The following EDAR variants were observed in gnomAD, a reference collection of about 807,000 sequenced individuals.
The protein encoded by EDAR is ectodysplasin A receptor, also known as tumor necrosis factor receptor superfamily member EDAR.
Under a neutral mutation model 51.3 loss-of-function variants are expected in EDAR, and 38 were observed. The ratio of observed to expected loss-of-function variants is 0.74; its 90% CI spans 0.57 to 0.97. The LOEUF (loss-of-function observed/expected upper bound fraction) is 0.97. EDAR is among the 50% of genes least tolerant of loss of function. EDAR has a pLI of 0.00. For missense variants in EDAR, 528 were observed against 595.0 expected (o/e 0.89, Z 1.17); for synonymous variants, 227 against 242.1 (o/e 0.94, Z 0.58).
chr2:108,930,863 C>A, intron 2 of EDAR, 101 bp downstream of exon 2: 1 of 1,300,766 alleles, frequency 7.7e-7, no homozygotes. Context: ...GGAGGAGGGA[C>A]TATGATCAGC....
At chr2:108,938,656 T>G (rs909462650) in intron 1 of EDAR, among the ~76,000 whole-genome samples, 15 of 151,388 alleles carry the variant, frequency 9.9e-5, no homozygotes, top group Non-Finnish European at 1.3e-4. Context: ...GGAGAAGTTT[T>G]GAAAAAAAAA....
chr2:108,913,537 G>A (rs1696969191), intron 5 of EDAR, among the ~76,000 whole-genome samples: 1 of 152,160 alleles, frequency 6.6e-6, no homozygotes, highest in African/African-American at 2.4e-5. Context: ...AGGGGGCCAG[G>A]CATGGTGGCT....
intron 1 of EDAR, among the ~76,000 whole-genome samples, chr2:108,935,728 G>C (rs1697454677): frequency 6.6e-6 from 1 of 152,168 alleles, no homozygotes; most frequent in African/African-American, 2.4e-5. Flanking sequence ...TCAACAAAGA[G>C]CTGTGGAGCT....
intron 1 of EDAR, among the ~76,000 whole-genome samples, chr2:108,950,531 T>C (rs192251501): frequency 2.7e-4 from 41 of 152,272 alleles, no homozygotes; most frequent in African/African-American, 9.6e-4. Context: ...GCACAAGAGA[T>C]TGTTTATTCG....
At chr2:108,942,583 C>T (rs1262809856) in intron 1 of EDAR, among the ~76,000 whole-genome samples, 1 of 152,270 alleles carries the variant, frequency 6.6e-6, no homozygotes, top group African/African-American at 2.4e-5. Flanking sequence ...ATGGTGCCTT[C>T]ATTTTGTGAG....
At chr2:108,980,094 G>A (rs1236517997) in intron 1 of EDAR, among the ~76,000 whole-genome samples, 1 of 148,848 alleles carries the variant, frequency 6.7e-6, no homozygotes, top group Admixed American at 6.7e-5. Context: ...AATGAATGGT[G>A]TGGGGTGGGG....
At chr2:108,985,638 ATG>A (rs1444394929) in intron 1 of EDAR, among the ~76,000 whole-genome samples, 1 of 152,178 alleles carries the variant, frequency 6.6e-6, no homozygotes, top group Non-Finnish European at 1.5e-5. Flanking sequence ...CTTCACCCAC[ATG>A]TGTCTGCTCC....
intron 9 of EDAR, among the ~76,000 whole-genome samples, chr2:108,909,343 G>A (rs1015592954): frequency 6.6e-6 from 1 of 151,940 alleles, no homozygotes. Context: ...TTCCATGCAG[G>A]GTGACCAGGT....
intron 1 of EDAR, among the ~76,000 whole-genome samples, chr2:108,983,805 C>T (rs1430374789): frequency 1.3e-5 from 2 of 152,226 alleles, no homozygotes; most frequent in Non-Finnish European, 2.9e-5. Flanking sequence ...TGGCCAAGGG[C>T]ATCAGTGATC....
At chr2:108,947,432 A>C (rs1027572344) in intron 1 of EDAR, among the ~76,000 whole-genome samples, 8 of 151,580 alleles carry the variant, frequency 5.3e-5, no homozygotes, top group African/African-American at 1.9e-4. Context: ...CCCAGTGGGG[A>C]CTCTGTGTGG....
chr2:108,951,296 C>T (rs868561104), intron 1 of EDAR, among the ~76,000 whole-genome samples: 45 of 152,194 alleles, frequency 3.0e-4, no homozygotes, highest in African/African-American at 1.0e-3. Flanking sequence ...GACCACACTA[C>T]TGTACAGGTA....
At chr2:108,917,301 C>A (rs1469211215) in intron 5 of EDAR, among the ~76,000 whole-genome samples, 1 of 152,108 alleles carries the variant, frequency 6.6e-6, no homozygotes, top group Admixed American at 6.5e-5. Context: ...TTAACAAATA[C>A]AAAAGTCCAG....
chr2:108,947,588 C>A (rs1697737474), intron 1 of EDAR, among the ~76,000 whole-genome samples: 1 of 152,202 alleles, frequency 6.6e-6, no homozygotes, highest in African/African-American at 2.4e-5. Context: ...CTTCTGCACC[C>A]CCGCAGTCCC....
At chr2:108,955,910 TC>T (rs1416836959) in intron 1 of EDAR, among the ~76,000 whole-genome samples, 2 of 150,334 alleles carry the variant, frequency 1.3e-5, no homozygotes, top group Non-Finnish European at 3.0e-5. Flanking sequence ...GCGCCTGTAG[TC>T]CCAGCTACTC....
chr2:108,963,475 GAT>G (rs1698092317), intron 1 of EDAR, among the ~76,000 whole-genome samples: 1 of 152,194 alleles, frequency 6.6e-6, no homozygotes, highest in Admixed American at 6.5e-5. Context: ...ACTTGTAAGA[GAT>G]AATACAGAGA....
In EDAR at chr2:108,897,233, C is replaced by T; in HGVS notation, c.1025-4G>A. 6.2e-7 allele frequency: 1 copy of T among 1,613,444 alleles called. No homozygotes were observed. The highest frequency in any genetic ancestry group is 8.5e-7 in the Non-Finnish European group (1 of 1,179,822). ...GGCAGCTCCGTGGGGCTAAGACCTA[C>T]AGACACCAATGGCCACAGTTAGATG... On this transcript the variant is annotated splice_region_variant and splice_polypyrimidine_tract_variant and intron_variant, in intron 11 of 11. Transcript: ENST00000258443.
intron 1 of EDAR, among the ~76,000 whole-genome samples, chr2:108,951,040 C>T (rs1006478270): frequency 2.0e-5 from 3 of 152,254 alleles, no homozygotes; most frequent in Non-Finnish European, 4.4e-5. Context: ...GAAGGGGCCA[C>T]TTGTGAGGCA....
At chr2:108,956,763 A>C (rs760371304) in intron 1 of EDAR, among the ~76,000 whole-genome samples, 9 of 150,916 alleles carry the variant, frequency 6.0e-5, no homozygotes, top group Non-Finnish European at 1.2e-4. Context: ...TTTGAAGCTC[A>C]GCAGGAAAGG....
chr2:108,913,945 G>A (rs1451462220), intron 5 of EDAR, among the ~76,000 whole-genome samples: 4 of 46,276 alleles, frequency 8.6e-5, no homozygotes, highest in Admixed American at 4.0e-4. Context: ...GTGCGATTCC[G>A]TCTCAAAAAA....
Sources: gnomAD v4.1 joint callset for allele counts (sites outside exome capture counted in the v4.1 genomes callset) on GRCh38, gnomAD v4.1.1 for gene constraint, MANE v1.5 for transcripts, NCBI Gene and HGNC (gene_info 2026-07-23, HGNC 2026-07-21) for gene names.